The following CRHR1 variants were observed in gnomAD, a reference collection of about 807,000 sequenced individuals.
The protein encoded by CRHR1 is corticotropin-releasing hormone receptor 1.
Under a neutral mutation model 56.0 loss-of-function variants are expected in CRHR1, and 28 were observed. That is an observed-to-expected ratio of 0.50 (90% confidence interval 0.37 to 0.69). The LOEUF (loss-of-function observed/expected upper bound fraction) is 0.69, where lower values mean the gene tolerates loss of function less well. Ranked by LOEUF, CRHR1 falls within the 30% of genes least tolerant of loss-of-function variation. CRHR1 has a pLI of 0.00. For missense variants in CRHR1, 376 were observed against 548.0 expected, an observed-to-expected ratio of 0.69 and a Z score of 3.13; for synonymous variants, 195 against 216.5, an observed-to-expected ratio of 0.90 and a Z score of 0.87.
chr17:45,785,535 C>T (rs2061321139), intron 1 of CRHR1, among the ~76,000 whole-genome samples: 1 of 152,226 alleles, frequency 6.6e-6, no homozygotes, highest in South Asian at 2.1e-4. Flanking sequence ...CATCGCCTCA[C>T]CCGGGGCTCG....
intron 1 of CRHR1, among the ~76,000 whole-genome samples, chr17:45,791,827 CTCTCTT>C (rs1193931477): frequency 1.8e-5 from 2 of 110,678 alleles, no homozygotes; most frequent in Non-Finnish European, 3.9e-5. Flanking sequence ...TTTTCTCTCT[CTCTCTT>C]TCTCTCTCTC....
At chr17:45,796,015 A>C (rs1453799174) in intron 1 of CRHR1, among the ~76,000 whole-genome samples, 1 of 152,196 alleles carries the variant, frequency 6.6e-6, no homozygotes, top group East Asian at 1.9e-4. Flanking sequence ...CCTAATTTTC[A>C]GCCACCAGTT....
At chr17:45,797,966 G>A (rs1055161990) in intron 1 of CRHR1, among the ~76,000 whole-genome samples, 1 of 152,096 alleles carries the variant, frequency 6.6e-6, no homozygotes, top group African/African-American at 2.4e-5. Flanking sequence ...TTTTCCTCTA[G>A]CACATCCTTC....
chr17:45,811,518 G>T (rs181386702), intron 2 of CRHR1, among the ~76,000 whole-genome samples: 50 of 152,344 alleles, frequency 3.3e-4, no homozygotes, highest in Non-Finnish European at 4.9e-4. Context: ...AAGGCCTGTG[G>T]TGACGTGCGC....
In CRHR1 at chr17:45,784,379, C is replaced by A. The variant is rs1012600537; in HGVS notation, c.-166C>A. 3.5e-4 allele frequency: 151 copies of A among 428,038 alleles called. 1 individual carries two copies. Among genetic ancestry groups the A allele is most frequent in the Non-Finnish European group, 5.3e-4 (143 of 267,468 alleles). The allele number at this position is 428,038 out of a possible 1,614,324, so 26.5% of individuals were successfully genotyped here. A position where few individuals can be genotyped will look rare whatever the true frequency, so the allele number is the denominator to read the frequency against. The stretch of plus-strand genomic sequence containing the variant: ...GAGCGAGAGCCGGGCCGGGCCGGGC[C>A]GGGCCGCGGGGCCGGGAAGCGCCGA... On this transcript the variant is annotated 5_prime_UTR_variant, in exon 1 of 13. Transcript: ENST00000314537. The surrounding 1 kb of genome is among the most constrained non-coding windows in gnomAD (Gnocchi z 4.2).
intron 8 of CRHR1, among the ~76,000 whole-genome samples, chr17:45,831,216 G>A (rs2062301882): frequency 6.6e-6 from 1 of 152,160 alleles, no homozygotes; most frequent in Non-Finnish European, 1.5e-5. Context: ...TCAAATAGCT[G>A]TGTGACCTTG....
intron 3 of CRHR1, among the ~76,000 whole-genome samples, chr17:45,817,240 C>T (rs1461830553): frequency 1.3e-5 from 2 of 152,250 alleles, no homozygotes; most frequent in Admixed American, 6.5e-5. Context: ...GCCTGCCACT[C>T]TCAGAATTAA....
chr17:45,831,316 A>C (rs2062304098), intron 8 of CRHR1, among the ~76,000 whole-genome samples: 1 of 152,364 alleles, frequency 6.6e-6, no homozygotes, highest in East Asian at 1.9e-4. Context: ...ATATGAGTCC[A>C]TCTATATTAA....
intron 1 of CRHR1, among the ~76,000 whole-genome samples, chr17:45,785,360 G>A (rs1197684463): frequency 6.6e-6 from 1 of 152,270 alleles, no homozygotes; most frequent in Non-Finnish European, 1.5e-5. Flanking sequence ...GGGCCGGGAG[G>A]CCGGCAGTCC....
At chr17:45,785,095 G>A (rs965458458) in intron 1 of CRHR1, among the ~76,000 whole-genome samples, 4 of 152,152 alleles carry the variant, frequency 2.6e-5, no homozygotes, top group African/African-American at 9.7e-5. Flanking sequence ...CCGCGCCTGC[G>A]AGCCCTTGAT....
intron 5 of CRHR1, 77 bp from the exon 6 acceptor site, chr17:45,830,017 C>A: frequency 1.3e-6 from 2 of 1,592,954 alleles, no homozygotes; most frequent in Non-Finnish European, 1.7e-6. Flanking sequence ...CACATCTGGG[C>A]TGGGGTGATG....
chr17:45,807,096 A>G lies in CRHR1; in HGVS notation c.120A>G (p.Ser40=), dbSNP rs1342346890. The change falls in exon 2 of 13, where the codon TCA becomes TCG. Residue 40 remains serine (S), a splice_region_variant and synonymous_variant. Transcript: ENST00000314537. ...CESLSLASNI[S]GLQCNASVDL... is the part of the protein sequence containing the mutation. ...GCCTGTCCCTGGCCAGCAACATCTC[A>G]GGTGAGTCCCCTCAACCCCCTCCTG... 6.2e-7 allele frequency: 1 copy of G among 1,613,142 alleles called. No individual in the cohort carries two copies. The highest frequency in any genetic ancestry group is 1.7e-5 in the Admixed American group (1 of 60,002).
At chr17:45,811,668 C>T (rs1313370915) in intron 2 of CRHR1, among the ~76,000 whole-genome samples, 3 of 152,172 alleles carry the variant, frequency 2.0e-5, no homozygotes, top group Non-Finnish European at 2.9e-5. Context: ...ACACCTGCTC[C>T]GGGGGTCCTT....
intron 1 of CRHR1, chr17:45,800,574 A>G (rs2061603622): frequency 6.6e-6 from 1 of 152,258 alleles, no homozygotes; most frequent in African/African-American, 2.4e-5. Context: ...GAAAGACCAC[A>G]TTGCCCCCAC....
At position 45,833,568 on chromosome 17, in the gene CRHR1, C is replaced by G; in HGVS notation, c.929+31C>G. 3.1e-6 allele frequency: 5 copies of G among 1,601,802 alleles called. No individual in the cohort carries two copies. The South Asian group carries it at 3.3e-5, about 11-fold the overall frequency. On this transcript the variant is annotated intron_variant, in intron 10 of 12. Coordinates refer to ENST00000314537, the MANE Select transcript of CRHR1 (RefSeq NM_004382.5). Reference sequence around the variant, plus strand: ...CGGGTACCACCTTCCTCAGGCCTCCCCCTGATGAAACCCCTGCTCCCCATG... The same window carrying G: ...CGGGTACCACCTTCCTCAGGCCTCCGCCTGATGAAACCCCTGCTCCCCATG...
intron 2 of CRHR1, among the ~76,000 whole-genome samples, chr17:45,811,768 G>A (rs1441864633): frequency 6.6e-6 from 1 of 152,174 alleles, no homozygotes; most frequent in Non-Finnish European, 1.5e-5. Flanking sequence ...TAGTACTTTA[G>A]AAGCCACCAC....
chr17:45,821,325 G>A (rs1254102516), intron 3 of CRHR1, 30 bp from the exon 4 acceptor site: 26 of 1,605,040 alleles, frequency 1.6e-5, no homozygotes, highest in Non-Finnish European at 2.0e-5. Flanking sequence ...GGGCTGCCCC[G>A]CCATCACTGC....
rs1568067836 is a variant in CRHR1 at position 45,829,195 on chromosome 17, GC to G, written c.328-16del. 6.3e-7 allele frequency: 1 copy of G among 1,596,592 alleles called. No individual in the cohort carries two copies. Among genetic ancestry groups the G allele is most frequent in the East Asian group, 2.2e-5 (1 of 44,772 alleles). ...CCCATCCAGCAGAAGGCTCACCTCT[GC>G]CCCTCTCTCCTGCTCCAGAAAAAAA... On this transcript the variant is annotated intron_variant, in intron 4 of 12. Transcript: ENST00000314537.
intron 1 of CRHR1, among the ~76,000 whole-genome samples, chr17:45,803,386 T>G (rs1171187513): frequency 6.6e-6 from 1 of 151,946 alleles, no homozygotes; most frequent in Non-Finnish European, 1.5e-5. Context: ...TTTATTTATT[T>G]TATTTATTTA....
Sources: allele counts gnomAD v4.1 joint callset (sites outside exome capture counted in the v4.1 genomes callset), GRCh38; gene constraint gnomAD v4.1.1; non-coding constraint Gnocchi (gnomAD v3.1); transcripts MANE v1.5; gene names NCBI Gene and HGNC (gene_info 2026-07-23, HGNC 2026-07-21).